The following HTR2B variants were observed in gnomAD, a reference collection of about 807,000 sequenced individuals.
HTR2B encodes 5-hydroxytryptamine receptor 2B, also known as 5-HT 2B receptor.
HTR2B carries 31 observed loss-of-function variants against 39.8 expected under a neutral mutation model. The observed-to-expected ratio is 0.78, with a 90% confidence interval of 0.58 to 1.05. The LOEUF (loss-of-function observed/expected upper bound fraction) is 1.05, where lower values mean the gene tolerates loss of function less well. HTR2B is among the 50% of genes least tolerant of loss of function. HTR2B has a pLI of 0.00. For synonymous variants in HTR2B, 210 were observed against 207.1 expected (o/e 1.01, Z -0.12); for missense variants, 562 against 578.0 (o/e 0.97, Z 0.28).
In HTR2B at chr2:231,123,689, C is replaced by G. The variant is rs764960723; in HGVS notation, c.76G>C (p.Val26Leu). The G allele has an allele frequency of 1.2e-6, 2 of 1,614,038 alleles. No individual in the cohort carries two copies. The highest frequency in any genetic ancestry group is 1.7e-5 in the Admixed American group (1 of 60,016). ...AATCCAGACCAGTTAGAAGAGATAA[C>G]GTGAACAAAGGTGCTCTGCAAAATG... Reference protein sequence around the residue: ...EHILQSTFVHVISSNWSGLQT... With the variant: ...EHILQSTFVHLISSNWSGLQT... The change falls in exon 2 of 4, where the codon GTT becomes CTT. Residue 26 changes from valine (V) to leucine (L), a missense_variant. Transcript: ENST00000258400.
chr2:231,112,784 G>A (rs1282437344), intron 3 of HTR2B, among the ~76,000 whole-genome samples: 8 of 152,110 alleles, frequency 5.3e-5, no homozygotes, highest in Non-Finnish European at 1.2e-4. Context: ...GCCGTAAGAC[G>A]ATTTAGAAGA....
intron 2 of HTR2B, among the ~76,000 whole-genome samples, chr2:231,117,155 A>G (rs887626607): frequency 1.2e-4 from 18 of 152,092 alleles, no homozygotes; most frequent in Admixed American, 3.3e-4. Flanking sequence ...ATTTCTGTTT[A>G]GAATAACTAA....
In HTR2B at chr2:231,113,755, A is replaced by G. The variant is rs1214658230; in HGVS notation, c.527T>C (p.Ile176Thr). Residue 176 changes from isoleucine (I) to threonine (T), a missense_variant, in exon 3 of 4, where the codon ATT (isoleucine) becomes ACT (threonine). Transcript: ENST00000258400. ...YNSRATAFIKITVVWLISIGI... is the reference protein window; with the variant it reads ...YNSRATAFIKTTVVWLISIGI... ...TATTGAAATTAACCACACCACTGTA[A>G]TCTTGATGAATGCTGTAGCCCGTGA... 6.2e-7 allele frequency: 1 copy of G among 1,614,076 alleles called. No homozygotes were observed. Among genetic ancestry groups the G allele is most frequent in the South Asian group, 1.1e-5 (1 of 91,074 alleles).
intron 2 of HTR2B, among the ~76,000 whole-genome samples, chr2:231,119,869 CAA>C (rs78246469): frequency 0.42 from 33,193 of 78,576 alleles, 3,587 homozygotes; most frequent in African/African-American, 0.54. Flanking sequence ...GACTCCGTCT[CAA>C]AAAAAAAAAA....
In HTR2B at chr2:231,108,854, T is replaced by C. The variant is rs1559233267; in HGVS notation, c.1109A>G (p.Tyr370Cys). ...CAAAGGATTCACTCCTGAGGAAACA[T>C]AGCCTATCCACACAAATATCTCCAG... ...MLLEIFVWIG[Y>C]VSSGVNPLVY... Residue 370 changes from tyrosine to cysteine, a missense_variant, in exon 4 of 4, where the codon TAT becomes TGT. Transcript: ENST00000258400. The C allele has an allele frequency of 1.9e-6, 3 of 1,614,102 alleles. No individual in the cohort carries two copies. Among genetic ancestry groups the C allele is most frequent in the Admixed American group, 3.3e-5 (2 of 60,020 alleles).
Position 231,122,494 on chromosome 2 carries a change from A to G in HTR2B, c.352+919T>C, listed in dbSNP as rs75612053. 4.6e-3 allele frequency among the ~76,000 whole-genome samples: 693 copies of G among 152,274 alleles called. 6 individuals are homozygous for G. Among genetic ancestry groups the G allele is most frequent in the African/African-American group, 0.016 (672 of 41,586 alleles). On this transcript the variant is annotated intron_variant, in intron 2 of 3. Coordinates refer to ENST00000258400, the MANE Select transcript of HTR2B (RefSeq NM_000867.5). ...TCTGCCACAAGTAATCATTTTGCTTAGGCAGTTTATGAATGGAATATCAGT... is the reference window on the plus strand; with the variant it reads ...TCTGCCACAAGTAATCATTTTGCTTGGGCAGTTTATGAATGGAATATCAGT...
At chr2:231,120,542 A>G (rs115211109) in intron 2 of HTR2B, among the ~76,000 whole-genome samples, 1,960 of 152,306 alleles carry the variant, frequency 0.013, 20 homozygotes, top group Non-Finnish European at 0.02. Flanking sequence ...TTTGAAAGAC[A>G]ATGTTGTGCC....
At position 231,123,722 on chromosome 2, in the gene HTR2B, G is replaced by A. The variant is rs571209473; in HGVS notation, c.43C>T (p.Pro15Ser). 6.2e-7 allele frequency: 1 copy of A among 1,614,022 alleles called. No individual in the cohort carries two copies. The highest frequency in any genetic ancestry group is 1.1e-5 in the South Asian group (1 of 91,080). ...AAGGTGCTCTGCAAAATGTGCTCAG[G>A]AATTGTGCTTTGAAGTTCAGACACT... Reference protein sequence around the residue: ...YRVSELQSTIPEHILQSTFVH... With the variant: ...YRVSELQSTISEHILQSTFVH... Residue 15 changes from proline to serine, a missense_variant, in exon 2 of 4, where the codon CCT becomes TCT. Pro to Ser is a moderately conservative substitution (Grantham distance 74). Transcript: ENST00000258400.
chr2:231,111,134 A>G (rs1402343084), intron 3 of HTR2B, among the ~76,000 whole-genome samples: 1 of 152,072 alleles, frequency 6.6e-6, no homozygotes, highest in Non-Finnish European at 1.5e-5. Flanking sequence ...AGCATTTTCT[A>G]CTTCATCCCA....
intron 2 of HTR2B, among the ~76,000 whole-genome samples, chr2:231,119,984 AC>A (rs112026431): frequency 0.026 from 3,136 of 120,434 alleles, 126 homozygotes; most frequent in African/African-American, 0.094. Flanking sequence ...ACAGAGCCTC[AC>A]CCCGTCACCC....
chr2:231,117,682 G>T (rs1182484845), intron 2 of HTR2B, among the ~76,000 whole-genome samples: 10 of 152,066 alleles, frequency 6.6e-5, no homozygotes, highest in African/African-American at 1.9e-4. Context: ...ATTTTTATTT[G>T]TCTCCCAGAC....
At position 231,109,084 on chromosome 2, in the gene HTR2B, C is replaced by T. The variant is rs1442410640; in HGVS notation, c.879G>A (p.Leu293=). The change falls in exon 4 of 4, where the codon CTG becomes CTA. Residue 293 remains leucine (L), a synonymous_variant. Coordinates refer to ENST00000258400, the MANE Select transcript of HTR2B (RefSeq NM_000867.5). ...TAAGTGTTTCATCACCTGAGTTGGG[C>T]AGAGCCTTGTCCTTTCGAGAACCAT... ...MLDGSRKDKA[L]PNSGDETLMR... is the part of the protein sequence containing the mutation. 20 of 1,614,090 alleles carry T rather than the reference C, an allele frequency of 1.2e-5. No homozygotes were observed. Among genetic ancestry groups the T allele is most frequent in the East Asian group, 2.2e-5 (1 of 44,894 alleles).
At position 231,124,053 on chromosome 2, in the gene HTR2B, T is replaced by C; in HGVS notation, c.-289A>G. The C allele has an allele frequency of 3.0e-6, 1 of 329,114 alleles. No homozygotes were observed. Among genetic ancestry groups the C allele is most frequent in the East Asian group, 6.5e-5 (1 of 15,290 alleles). The allele number at this position is 329,114 out of a possible 1,614,324, so 20.4% of individuals were successfully genotyped here. On this transcript the variant is annotated 5_prime_UTR_variant, in exon 2 of 4. In the 5' UTR this introduces an upstream ATG that the reference lacks. Coordinates refer to ENST00000258400, the MANE Select transcript of HTR2B (RefSeq NM_000867.5). ...CTGTGAAAAAAATAGGATATATATA[T>C]ATTTTTAGTTTCTCTCTCTCTCTTT... is the stretch of plus-strand genomic sequence containing the variant.
At chr2:231,114,470 A>AT (rs1559236571) in intron 2 of HTR2B, among the ~76,000 whole-genome samples, 1 of 152,146 alleles carries the variant, frequency 6.6e-6, no homozygotes, top group African/African-American at 2.4e-5. Context: ...TAGTGGAGTG[A>AT]TTTTTTTGAC....
intron 2 of HTR2B, among the ~76,000 whole-genome samples, chr2:231,117,984 G>A (rs189422072): frequency 6.6e-6 from 1 of 152,158 alleles, no homozygotes; most frequent in East Asian, 1.9e-4. Context: ...ATTGACATTT[G>A]AGAAAGCGGA....
chr2:231,117,278 A>G (rs4973377), intron 2 of HTR2B, among the ~76,000 whole-genome samples: 135,671 of 152,042 alleles, frequency 0.89, 60,778 homozygotes, highest in East Asian at 1. Flanking sequence ...TCTGTCCAAT[A>G]TACTTCCACA....
chr2:231,119,467 C>T (rs1695455994), intron 2 of HTR2B, among the ~76,000 whole-genome samples: 1 of 152,150 alleles, frequency 6.6e-6, no homozygotes, highest in African/African-American at 2.4e-5. Context: ...AACCAGGATT[C>T]AGACCCTGGG....
Position 231,123,649 on chromosome 2 carries a change from A to G in HTR2B, c.116T>C (p.Ile39Thr). The G allele has an allele frequency of 6.2e-7, 1 of 1,613,864 alleles. No individual in the cohort carries two copies. Among genetic ancestry groups the G allele is most frequent in the Non-Finnish European group, 8.5e-7 (1 of 1,179,730 alleles). Residue 39 changes from isoleucine (I) to threonine (T), a missense_variant, in exon 2 of 4, where the codon ATA becomes ACA. By Grantham distance (89) the Ile-to-Thr change is moderately conservative (BLOSUM62 -1). Transcript: ENST00000258400. Reference protein sequence around the residue: ...SNWSGLQTESIPEEMKQIVEE... With the variant: ...SNWSGLQTESTPEEMKQIVEE... The stretch of plus-strand genomic sequence containing the variant: ...AACAATCTGTTTCATTTCCTCTGGT[A>G]TTGATTCTGTCTGTAATCCAGACCA...
chr2:231,115,354 T>C (rs1229552416), intron 2 of HTR2B, among the ~76,000 whole-genome samples: 1 of 152,164 alleles, frequency 6.6e-6, no homozygotes, highest in African/African-American at 2.4e-5. Flanking sequence ...ACACATCTAC[T>C]TTTTGGTGCC....
Sources: gnomAD v4.1 joint callset for allele counts (sites outside exome capture counted in the v4.1 genomes callset) on GRCh38, gnomAD v4.1.1 for gene constraint, MANE v1.5 for transcripts, NCBI Gene and HGNC (gene_info 2026-07-23, HGNC 2026-07-21) for gene names.